PALD1: variants seen among roughly 807,000 people sequenced by gnomAD.
The protein encoded by PALD1 is phosphatase domain containing paladin 1.
A neutral mutation model predicts 96.0 loss-of-function variants in PALD1; 57 were observed. The ratio of observed to expected loss-of-function variants is 0.59; its 90% CI spans 0.48 to 0.74. The LOEUF is 0.74. Ranked by LOEUF, PALD1 falls within the 30% of genes least tolerant of loss-of-function variation. The pLI, the probability that PALD1 is intolerant of heterozygous loss-of-function variation, is 0.00. For missense variants in PALD1, 1,063 were observed against 1,143.7 expected, an observed-to-expected ratio of 0.93 and a Z score of 1.02; for synonymous variants, 464 against 473.6, an observed-to-expected ratio of 0.98 and a Z score of 0.26.
At chr10:70,533,130 C>G in intron 7 of PALD1, 60 bp downstream of exon 7, 1 of 1,398,744 alleles carries the variant, frequency 7.1e-7, no homozygotes, top group Non-Finnish European at 9.9e-7. Context: ...CATGGAGGTG[C>G]TCAGGGTGGG....
intron 10 of PALD1, among the ~76,000 whole-genome samples, chr10:70,536,509 T>C (rs1035230761): frequency 6.6e-6 from 1 of 152,230 alleles, no homozygotes; most frequent in African/African-American, 2.4e-5. Flanking sequence ...TATTTAGGAT[T>C]CTTTCTCCCC....
rs748688051 is a variant in PALD1 at position 70,541,465 on chromosome 10, C to T, written c.2052C>T (p.Gly684=). 3.1e-6 allele frequency: 5 copies of T among 1,613,318 alleles called. No homozygotes were observed. The highest frequency in any genetic ancestry group is 1.1e-5 in the South Asian group (1 of 91,026). Residue 684 remains glycine (G), a splice_region_variant and synonymous_variant, in exon 17 of 20, where the codon GGC becomes GGT. Coordinates refer to ENST00000263563, the MANE Select transcript of PALD1 (RefSeq NM_014431.3). ...TCTCAGCAGCTGTCTTCCCTCAGGG[C>T]TTCCCCGAGGTGGGTGAGGAGGAGC... ...VAVLAFWHIQ[G]FPEVGEEELV...
At chr10:70,481,090 T>G (rs1472299196) in intron 1 of PALD1, among the ~76,000 whole-genome samples, 2 of 152,128 alleles carry the variant, frequency 1.3e-5, no homozygotes, top group Admixed American at 6.5e-5. Flanking sequence ...GACAGACATA[T>G]AGGTAGACCC....
chr10:70,490,688 A>G (rs1047869186), intron 1 of PALD1, among the ~76,000 whole-genome samples: 1 of 152,198 alleles, frequency 6.6e-6, no homozygotes. Context: ...CCTTGGGTTG[A>G]TGGTAGAGAG....
rs1337378586 is a variant in PALD1, at chr10:70,506,591, G to A, written c.-29-19332G>A. Among the ~76,000 whole-genome samples the A allele has an allele frequency of 3.9e-5, 6 of 152,172 alleles. No individual in the cohort carries two copies. In the East Asian group the frequency reaches 9.6e-4, roughly 24 times the overall value. Reference sequence around the variant, plus strand: ...TGACACTGCCTGGGGGAGTGGAGGTGGAAGCCATTGGGTTAAGAATTCAGT... The same window carrying A: ...TGACACTGCCTGGGGGAGTGGAGGTAGAAGCCATTGGGTTAAGAATTCAGT... On this transcript the variant is annotated intron_variant, in intron 1 of 19. Transcript: ENST00000263563.
rs1847859810 is a variant in PALD1, at chr10:70,566,598, C to T, written c.2436C>T (p.Gly812=). 1 of 1,610,590 alleles carries T rather than the reference C, an allele frequency of 6.2e-7. No individual in the cohort carries two copies. The highest frequency in any genetic ancestry group is 8.5e-7 in the Non-Finnish European group (1 of 1,178,702). ...TWMQEVASKA[G]IYEILNELGF... The stretch of plus-strand genomic sequence containing the variant: ...CCTCCCAGGTGGCATCGAAGGCTGG[C>T]ATCTACGAGATCCTTAACGAGCTGG... The change falls in exon 20 of 20, where the codon GGC becomes GGT. Residue 812 remains glycine, a synonymous_variant. Coordinates refer to ENST00000263563, the MANE Select transcript of PALD1 (RefSeq NM_014431.3).
chr10:70,534,252 T>C (rs998982921), intron 8 of PALD1, among the ~76,000 whole-genome samples, 173 bp from the exon 9 acceptor site: 1 of 152,222 alleles, frequency 6.6e-6, no homozygotes, highest in Non-Finnish European at 1.5e-5. Context: ...TCACCTGACC[T>C]TTCTGGGCCT....
At chr10:70,507,371 C>T (rs549562773) in intron 1 of PALD1, among the ~76,000 whole-genome samples, 1 of 152,284 alleles carries the variant, frequency 6.6e-6, no homozygotes, top group East Asian at 1.9e-4. Context: ...GAGGTAGTGC[C>T]ATTGCACTCC....
At chr10:70,561,236 C>G (rs143204353) in intron 18 of PALD1, among the ~76,000 whole-genome samples, 1 of 152,240 alleles carries the variant, frequency 6.6e-6, no homozygotes, top group East Asian at 1.9e-4. Context: ...CTGGTGCGGT[C>G]GTGTCCATGG....
At chr10:70,509,249 A>G (rs534625377) in intron 1 of PALD1, among the ~76,000 whole-genome samples, 1 of 152,222 alleles carries the variant, frequency 6.6e-6, no homozygotes, top group African/African-American at 2.4e-5. Flanking sequence ...CAGTGGAGGA[A>G]TGAGGGAGTG....
intron 18 of PALD1, among the ~76,000 whole-genome samples, chr10:70,549,046 CAAAAAAAA>C (rs71472976): frequency 1.3e-5 from 1 of 74,692 alleles, no homozygotes; most frequent in Non-Finnish European, 2.5e-5. Flanking sequence ...TTGTCTCTAC[CAAAAAAAA>C]AAAAAAAAAA....
chr10:70,504,822 A>G (rs1484000847), intron 1 of PALD1, among the ~76,000 whole-genome samples: 1 of 152,188 alleles, frequency 6.6e-6, no homozygotes, highest in Non-Finnish European at 1.5e-5. Flanking sequence ...GTGAAAAGGG[A>G]GGAATATTTT....
At chr10:70,492,393 C>T (rs1466257492) in intron 1 of PALD1, among the ~76,000 whole-genome samples, 1 of 150,416 alleles carries the variant, frequency 6.6e-6, no homozygotes, top group Non-Finnish European at 1.5e-5. Flanking sequence ...GTAAGTGGAA[C>T]CATCGTTAAG....
At chr10:70,553,453 T>C (rs972705599) in intron 18 of PALD1, among the ~76,000 whole-genome samples, 3 of 152,134 alleles carry the variant, frequency 2.0e-5, no homozygotes, top group African/African-American at 7.2e-5. Context: ...TAGAGGCTCA[T>C]GCGGAGGGAC....
At chr10:70,556,867 A>C (rs1847623825) in intron 18 of PALD1, among the ~76,000 whole-genome samples, 1 of 151,934 alleles carries the variant, frequency 6.6e-6, no homozygotes, top group South Asian at 2.1e-4. Flanking sequence ...CATTGTCCCG[A>C]TTGTGGTTGT....
the PALD1 span, among the ~76,000 whole-genome samples, chr10:70,467,967 AC>A: frequency 5.3e-5 from 8 of 151,668 alleles, no homozygotes; most frequent in African/African-American, 1.9e-4. Context: ...TTACCCACCC[AC>A]CCCCCATTGA....
At chr10:70,469,413 G>T in the PALD1 span, among the ~76,000 whole-genome samples, 2 of 151,794 alleles carry the variant, frequency 1.3e-5, no homozygotes, top group Non-Finnish European at 2.9e-5. Flanking sequence ...GACCGTGAAT[G>T]CTTATCTCAG....
chr10:70,564,278 TG>T, intron 18 of PALD1, 85 bp from the exon 19 acceptor site: 1 of 1,400,658 alleles, frequency 7.1e-7, no homozygotes, highest in Non-Finnish European at 9.7e-7. Flanking sequence ...CACCCTGCCC[TG>T]GCACTCAGGG....
At chr10:70,511,843 A>T (rs1023896304) in intron 1 of PALD1, among the ~76,000 whole-genome samples, 1 of 152,220 alleles carries the variant, frequency 6.6e-6, no homozygotes, top group African/African-American at 2.4e-5. Flanking sequence ...CCTGGCCAAC[A>T]TGGTGAAACC....
Sources: allele counts gnomAD v4.1 joint callset (sites outside exome capture counted in the v4.1 genomes callset), GRCh38; gene constraint gnomAD v4.1.1; transcripts MANE v1.5; gene names NCBI Gene and HGNC (gene_info 2026-07-23, HGNC 2026-07-21).